STOX2: variants seen among roughly 807,000 people sequenced by gnomAD.
STOX2 encodes the protein storkhead box 2.
A neutral mutation model predicts 60.9 loss-of-function variants in STOX2; 28 were observed. That is an observed-to-expected ratio of 0.46 (90% CI 0.34 to 0.63). The LOEUF (loss-of-function observed/expected upper bound fraction) is 0.63. STOX2 is among the 30% of genes least tolerant of loss of function. The pLI, the probability that STOX2 is intolerant of heterozygous loss-of-function variation, is 0.01. For synonymous variants in STOX2, 472 were observed against 463.9 expected, an observed-to-expected ratio of 1.02 and a Z score of -0.22; for missense variants, 1,024 against 1,187.7, an observed-to-expected ratio of 0.86 and a Z score of 2.03.
At chr4:183,917,231 G>T (rs1035891754) in intron 1 of STOX2, among the ~76,000 whole-genome samples, 7 of 152,198 alleles carry the variant, frequency 4.6e-5, no homozygotes, top group Admixed American at 4.6e-4. Context: ...ATGCCCCAGG[G>T]GTTGATGGAA....
Position 184,007,746 on chromosome 4 carries a change from C to T in STOX2, c.320-1412C>T, listed in dbSNP as rs138264338. ...CTGAGAGCTGTGAGGGCCCTGTCCTCGGCTTACGGATGGCCACCTTCTGTG... is the reference window on the plus strand; with the variant it reads ...CTGAGAGCTGTGAGGGCCCTGTCCTTGGCTTACGGATGGCCACCTTCTGTG... On this transcript the variant is annotated intron_variant, in intron 2 of 3. Coordinates refer to ENST00000308497, the MANE Select transcript of STOX2 (RefSeq NM_020225.3). 3.2e-3 allele frequency among the ~76,000 whole-genome samples: 488 copies of T among 152,306 alleles called. 2 individuals carry two copies. Among genetic ancestry groups the T allele is most frequent in the African/African-American group, 0.01 (417 of 41,578 alleles).
At chr4:183,981,796 C>T (rs1481827039) in intron 1 of STOX2, among the ~76,000 whole-genome samples, 1 of 152,128 alleles carries the variant, frequency 6.6e-6, no homozygotes, top group Non-Finnish European at 1.5e-5. Flanking sequence ...TGCGGCTGGG[C>T]GCAGTGGCTG....
At chr4:183,959,271 T>C (rs1743344831) in intron 1 of STOX2, among the ~76,000 whole-genome samples, 1 of 152,178 alleles carries the variant, frequency 6.6e-6, no homozygotes, top group African/African-American at 2.4e-5. Flanking sequence ...AATTTTTACC[T>C]TAGAATTCTA....
At chr4:183,964,334 G>A (rs185150428) in intron 1 of STOX2, among the ~76,000 whole-genome samples, 1 of 152,330 alleles carries the variant, frequency 6.6e-6, no homozygotes, top group Non-Finnish European at 1.5e-5. Context: ...TACACATTGT[G>A]TGGTTGTAGT....
At chr4:184,012,903 G>A (rs1734222285) in intron 3 of STOX2, among the ~76,000 whole-genome samples, 1 of 151,574 alleles carries the variant, frequency 6.6e-6, no homozygotes, top group African/African-American at 2.4e-5. Context: ...TCATTTTCCT[G>A]TTCTACTCTT....
At chr4:183,921,014 A>G (rs1742086152) in intron 1 of STOX2, among the ~76,000 whole-genome samples, 1 of 152,154 alleles carries the variant, frequency 6.6e-6, no homozygotes, top group Non-Finnish European at 1.5e-5. Context: ...TTTCTCTTGT[A>G]TTTTTCTTGA....
At chr4:183,807,048 C>G (rs1208173717) in intron 1 of STOX2, among the ~76,000 whole-genome samples, 1 of 152,098 alleles carries the variant, frequency 6.6e-6, no homozygotes, top group Non-Finnish European at 1.5e-5. Flanking sequence ...TCTCGGCTCA[C>G]TGCAAGCTCC....
chr4:183,992,510 T>A (rs1579516509), intron 1 of STOX2, among the ~76,000 whole-genome samples: 1 of 152,228 alleles, frequency 6.6e-6, no homozygotes, highest in Non-Finnish European at 1.5e-5. Context: ...GAAGGAGAAG[T>A]ACAGGGTGGC....
In STOX2 at chr4:183,963,815, A is replaced by G. The variant is rs572503038; in HGVS notation, c.167-37510A>G. 2.7e-4 allele frequency among the ~76,000 whole-genome samples: 39 copies of G among 146,854 alleles called. 1 individual carries two copies. The South Asian group carries it at 7.7e-3, about 29-fold the overall frequency. On this transcript the variant is annotated intron_variant, in intron 1 of 3. Transcript: ENST00000308497. The stretch of plus-strand genomic sequence containing the variant: ...TTTTGAGACGGAGTCTCGCTCTGTC[A>G]CCCAGGCTGGAGTGCAGTGGCATGA...
At chr4:183,860,182 G>C (rs1320376687) in intron 1 of STOX2, among the ~76,000 whole-genome samples, 2 of 151,954 alleles carry the variant, frequency 1.3e-5, no homozygotes, top group Admixed American at 1.3e-4. Flanking sequence ...TGTAAAGGGA[G>C]ATGAGGAATG....
At chr4:183,976,715 G>A (rs1006035721) in intron 1 of STOX2, among the ~76,000 whole-genome samples, 2 of 152,096 alleles carry the variant, frequency 1.3e-5, no homozygotes, top group Admixed American at 1.3e-4. Context: ...AATAAAAGTT[G>A]AAGAAAAAGA....
chr4:183,954,788 C>T (rs2309953), intron 1 of STOX2, among the ~76,000 whole-genome samples: 1 of 143,454 alleles, frequency 7.0e-6, no homozygotes, highest in East Asian at 2.0e-4. Context: ...GCCCAGGCCG[C>T]AGTGCAGTGG....
intron 1 of STOX2, chr4:183,988,648 C>G (rs1315378939): frequency 6.6e-6 from 1 of 152,596 alleles, no homozygotes; most frequent in African/African-American, 2.4e-5. Flanking sequence ...ATCTGAAATG[C>G]TCATTTAGGA....
intron 1 of STOX2, among the ~76,000 whole-genome samples, chr4:183,858,955 G>A (rs1300147412): frequency 2.0e-5 from 3 of 152,034 alleles, no homozygotes; most frequent in Non-Finnish European, 4.4e-5. Context: ...ACACTTGATT[G>A]GTCTTGCTGC....
intron 1 of STOX2, among the ~76,000 whole-genome samples, chr4:183,918,905 A>G (rs150705973): frequency 1.3e-5 from 2 of 152,336 alleles, no homozygotes; most frequent in Admixed American, 1.3e-4. Context: ...TGCACCAGCC[A>G]GGATCTGGGA....
At chr4:183,908,283 C>T (rs754734522) in intron 1 of STOX2, among the ~76,000 whole-genome samples, 4 of 152,160 alleles carry the variant, frequency 2.6e-5, no homozygotes, top group East Asian at 1.9e-4. Flanking sequence ...TCATTTAAGT[C>T]GCTGCTGTGG....
intron 1 of STOX2, among the ~76,000 whole-genome samples, chr4:183,942,754 G>A (rs1742786119): frequency 6.6e-6 from 1 of 152,072 alleles, no homozygotes; most frequent in African/African-American, 2.4e-5. Flanking sequence ...TAGGAGAATG[G>A]AGGCAGGCCA....
rs544123758 is a variant in STOX2 at position 184,011,788 on chromosome 4, A to C, written c.2585+365A>C. On this transcript the variant is annotated intron_variant, in intron 3 of 3. Coordinates refer to ENST00000308497, the MANE Select transcript of STOX2 (RefSeq NM_020225.3). The surrounding 1 kb of genome is among the most constrained non-coding windows in gnomAD (Gnocchi z 4.4). ...AAATAGTAACTTTTTGAGTAGAATA[A>C]ATAGTCTGGGGGCGGGGGAGGAAGA... Among the ~76,000 whole-genome samples, 2 of 152,270 alleles carry C rather than the reference A, an allele frequency of 1.3e-5. No homozygotes were observed. Among genetic ancestry groups the C allele is most frequent in the African/African-American group, 4.8e-5 (2 of 41,568 alleles).
intron 1 of STOX2, among the ~76,000 whole-genome samples, chr4:183,805,919 C>A (rs927908345): frequency 2.0e-5 from 3 of 152,228 alleles, no homozygotes; most frequent in Non-Finnish European, 2.9e-5. Flanking sequence ...ACCAGTCAGG[C>A]TGGACACTAC....
Sources: gnomAD v4.1 joint callset for allele counts (sites outside exome capture counted in the v4.1 genomes callset) on GRCh38, gnomAD v4.1.1 for gene constraint, Gnocchi (gnomAD v3.1) non-coding constraint, MANE v1.5 for transcripts, NCBI Gene and HGNC (gene_info 2026-07-23, HGNC 2026-07-21) for gene names.